EEF2K: variants seen among roughly 807,000 people sequenced by gnomAD.
The protein encoded by EEF2K is alternative protein EEF2K.
EEF2K carries 70 observed loss-of-function variants against 93.8 expected under a neutral mutation model. The observed-to-expected ratio is 0.75, with a 90% CI of 0.62 to 0.91. The LOEUF (loss-of-function observed/expected upper bound fraction) is 0.91, where lower values mean the gene tolerates loss of function less well. EEF2K is among the 40% of genes least tolerant of loss of function. The pLI is 0.00. For synonymous variants in EEF2K, 376 were observed against 380.8 expected, an observed-to-expected ratio of 0.99 and a Z score of 0.15; for missense variants, 935 against 972.9, an observed-to-expected ratio of 0.96 and a Z score of 0.52.
intron 2 of EEF2K, among the ~76,000 whole-genome samples, chr16:22,236,168 T>C (rs1016383457): frequency 1.3e-5 from 2 of 152,084 alleles, no homozygotes; most frequent in Non-Finnish European, 2.9e-5. Flanking sequence ...TCTAAGTGCA[T>C]GTGGCATAGA....
At chr16:22,257,959 C>T (rs1359726918) in intron 9 of EEF2K, among the ~76,000 whole-genome samples, 189 bp downstream of exon 9, 3 of 152,204 alleles carry the variant, frequency 2.0e-5, no homozygotes, top group Non-Finnish European at 2.9e-5. Context: ...CCCTCCTGAG[C>T]GTCCTTCCAA....
chr16:22,209,308 G>A (rs1044806969), intron 1 of EEF2K, among the ~76,000 whole-genome samples: 1 of 152,172 alleles, frequency 6.6e-6, no homozygotes, highest in Non-Finnish European at 1.5e-5. Context: ...TTACAGGCAT[G>A]AGCCACCATG....
Position 22,266,408 on chromosome 16 carries a change from A to G in EEF2K, c.1459A>G (p.Asn487Asp). 3.1e-6 allele frequency: 5 copies of G among 1,614,018 alleles called. No homozygotes were observed. Among genetic ancestry groups the G allele is most frequent in the Non-Finnish European group, 4.2e-6 (5 of 1,179,988 alleles). Reference protein sequence around the residue: ...SSGRVCVEKWNLLNSSRLHLP... With the variant: ...SSGRVCVEKWDLLNSSRLHLP... ...CCTTCAGGTATGTGTAGAGAAGTGG[A>G]ATCTCCTCAACTCCTCCCGCCTCCA... The change falls in exon 14 of 18, where the codon AAT becomes GAT. Residue 487 changes from asparagine to aspartate, a missense_variant. Transcript: ENST00000263026.
At chr16:22,228,099 C>T (rs1567265090) in intron 2 of EEF2K, among the ~76,000 whole-genome samples, 1 of 149,320 alleles carries the variant, frequency 6.7e-6, no homozygotes, top group Admixed American at 6.7e-5. Context: ...CTGCAACCTC[C>T]ACCTCCCAGG....
intron 1 of EEF2K, among the ~76,000 whole-genome samples, chr16:22,213,565 C>T (rs1043919331): frequency 1.6e-4 from 24 of 152,240 alleles, no homozygotes; most frequent in Non-Finnish European, 2.4e-4. Context: ...GCTGCTGTAA[C>T]AAATTGCTGC....
intron 1 of EEF2K, among the ~76,000 whole-genome samples, chr16:22,207,385 G>T (rs1441087390): frequency 6.6e-6 from 1 of 152,200 alleles, no homozygotes. Flanking sequence ...GACCTCGGTG[G>T]TGGGTGCTTC....
chr16:22,243,011 C>T (rs2047239524), intron 2 of EEF2K, among the ~76,000 whole-genome samples: 1 of 151,474 alleles, frequency 6.6e-6, no homozygotes, highest in African/African-American at 2.4e-5. Context: ...TCACCTGAGC[C>T]GTGATCATGC....
intron 17 of EEF2K, among the ~76,000 whole-genome samples, chr16:22,282,895 G>T (rs1203625397): frequency 6.6e-6 from 1 of 152,220 alleles, no homozygotes; most frequent in Non-Finnish European, 1.5e-5. Context: ...GGGGAGCCCA[G>T]TGGGGACACA....
intron 13 of EEF2K, chr16:22,265,101 C>A (rs2047504437): frequency 1.9e-6 from 1 of 513,210 alleles, no homozygotes; most frequent in Non-Finnish European, 3.5e-6. Flanking sequence ...AGCAGCTCAG[C>A]CCCATCCTGG....
chr16:22,215,500 A>G lies in EEF2K; in HGVS notation c.-77+8821A>G, dbSNP rs143473462. On this transcript the variant is annotated intron_variant, in intron 1 of 17. Coordinates refer to ENST00000263026, the MANE Select transcript of EEF2K (RefSeq NM_013302.5). ...ATTGGTCCTTTCATTCTGATGTACT[A>G]TTTCTCTCAATAGTTTAAATAAATG... is the stretch of plus-strand genomic sequence containing the variant. 6.5e-3 allele frequency among the ~76,000 whole-genome samples: 984 copies of G among 152,210 alleles called. 6 individuals are homozygous for G. Among genetic ancestry groups the G allele is most frequent in the African/African-American group, 0.022 (918 of 41,520 alleles).
At chr16:22,245,404 C>T (rs914591333) in intron 3 of EEF2K, among the ~76,000 whole-genome samples, 5 of 152,058 alleles carry the variant, frequency 3.3e-5, no homozygotes, top group Non-Finnish European at 5.9e-5. Flanking sequence ...TGCCCTGGGC[C>T]GGTGCAAACT....
intron 6 of EEF2K, among the ~76,000 whole-genome samples, chr16:22,252,309 T>A (rs1173106841): frequency 6.6e-6 from 1 of 152,206 alleles, no homozygotes; most frequent in Non-Finnish European, 1.5e-5. Flanking sequence ...TGTCAGAATC[T>A]TCCTCCATCT....
At chr16:22,223,886 T>G (rs1183462889) in intron 1 of EEF2K, among the ~76,000 whole-genome samples, 2 of 152,132 alleles carry the variant, frequency 1.3e-5, no homozygotes, top group African/African-American at 4.8e-5. Flanking sequence ...GGGTTTTGTT[T>G]TGTTGCTGTT....
chr16:22,232,009 A>C (rs1383921154), intron 2 of EEF2K, among the ~76,000 whole-genome samples: 4 of 150,468 alleles, frequency 2.7e-5, no homozygotes, highest in African/African-American at 9.8e-5. Flanking sequence ...AAAAAAAAAA[A>C]AAAAAAAAAA....
At chr16:22,240,982 C>T (rs2047216583) in intron 2 of EEF2K, among the ~76,000 whole-genome samples, 1 of 151,892 alleles carries the variant, frequency 6.6e-6, no homozygotes, top group Non-Finnish European at 1.5e-5. Context: ...GTTGGCCAGG[C>T]TGGTATCAAA....
chr16:22,257,479 C>G lies in EEF2K; in HGVS notation c.901+94C>G, dbSNP rs1343829477. 1.9e-6 allele frequency: 3 copies of G among 1,556,686 alleles called. No homozygotes were observed. The East Asian group carries it at 6.7e-5, about 35-fold the overall frequency. On this transcript the variant is annotated intron_variant, in intron 8 of 17. Coordinates refer to ENST00000263026, the MANE Select transcript of EEF2K (RefSeq NM_013302.5). ...ACAGCCAAGGAAACAGGCTGAGACA[C>G]TGTACGCGCTTTTTCAAGATCATGG...
rs1249576175 is a variant in EEF2K, at chr16:22,251,191, G to C, written c.487G>C (p.Gly163Arg). 1.2e-6 allele frequency: 2 copies of C among 1,614,082 alleles called. No homozygotes were observed. The highest frequency in any genetic ancestry group is 8.5e-7 in the Non-Finnish European group (1 of 1,180,006). ...SNFLHAQQWK[G>R]ASNYVAKRYI... Reference sequence around the variant, plus strand: ...CTTCTTGCATGCCCAGCAGTGGAAGGGCGCCTCCAACTACGTGGCGAAGCG... The same window carrying C: ...CTTCTTGCATGCCCAGCAGTGGAAGCGCGCCTCCAACTACGTGGCGAAGCG... The change falls in exon 6 of 18, where the codon GGC (glycine) becomes CGC (arginine). Residue 163 changes from glycine to arginine, a missense_variant. Coordinates refer to ENST00000263026, the MANE Select transcript of EEF2K (RefSeq NM_013302.5).
intron 17 of EEF2K, among the ~76,000 whole-genome samples, chr16:22,282,820 T>G (rs1259365633): frequency 6.6e-6 from 1 of 152,214 alleles, no homozygotes; most frequent in Non-Finnish European, 1.5e-5. Flanking sequence ...AGACACAGAC[T>G]GTGTGTCTCC....
In EEF2K at chr16:22,284,911, C is replaced by A. The variant is rs1446513215; in HGVS notation, c.*915C>A. 1 of 152,512 alleles carries A rather than the reference C, an allele frequency of 6.6e-6. No homozygotes were observed. Among genetic ancestry groups the A allele is most frequent in the East Asian group, 1.9e-4 (1 of 5,196 alleles). The allele number at this position is 152,512 out of a possible 1,614,324, so 9.4% of individuals were successfully genotyped here. A position where few individuals can be genotyped will look rare whatever the true frequency, so the allele number is the denominator to read the frequency against. ...GGCTCCCTTCTACTGTGGGGAAGGG[C>A]CTGCATGTTGGCTGTTTTTTAAACT... On this transcript the variant is annotated 3_prime_UTR_variant, in exon 18 of 18. Coordinates refer to ENST00000263026, the MANE Select transcript of EEF2K (RefSeq NM_013302.5).
Sources: allele counts gnomAD v4.1 joint callset (sites outside exome capture counted in the v4.1 genomes callset), GRCh38; gene constraint gnomAD v4.1.1; transcripts MANE v1.5; gene names NCBI Gene and HGNC (gene_info 2026-07-23, HGNC 2026-07-21).